EPB41L4B: variants seen among roughly 807,000 people sequenced by gnomAD.
EPB41L4B encodes band 4.1-like protein 4B.
EPB41L4B carries 30 observed loss-of-function variants against 112.5 expected under a neutral mutation model. The observed-to-expected ratio is 0.27, with a 90% CI of 0.20 to 0.36. The LOEUF is 0.36. Among genes scored for constraint, EPB41L4B ranks in the 10% least tolerant of loss-of-function variants. The pLI is 1.00. For missense variants in EPB41L4B, 1,024 were observed against 1,133.3 expected, an observed-to-expected ratio of 0.90 and a Z score of 1.38; for synonymous variants, 408 against 439.7, an observed-to-expected ratio of 0.93 and a Z score of 0.90.
chr9:109,185,534 T>G lies in EPB41L4B; in HGVS notation c.2373A>C (p.Glu791Asp), dbSNP rs779713819. ...GGTACATGCAAACTCCAGTGGTCTC[T>G]TCCTTCATGGGGAGAGAGAGTGGAG... ...CSPPLSLPMK[E>D]ETTGVCMYPP... The change falls in exon 23 of 26, where the codon GAA (glutamate) becomes GAC (aspartate). Residue 791 changes from glutamate to aspartate, a missense_variant. By Grantham distance (45) the Glu-to-Asp change is conservative (BLOSUM62 2). Coordinates refer to ENST00000374566, the MANE Select transcript of EPB41L4B (RefSeq NM_019114.5). 1 of 1,613,462 alleles carries G rather than the reference T, an allele frequency of 6.2e-7. No individual in the cohort carries two copies. The highest frequency in any genetic ancestry group is 1.7e-5 in the Admixed American group (1 of 59,990).
chr9:109,176,466 A>ACGTGTT (rs1831841898), intron 25 of EPB41L4B, 85 bp downstream of exon 25: 1 of 1,414,784 alleles, frequency 7.1e-7, no homozygotes, highest in African/African-American at 1.4e-5. Flanking sequence ...AAAGGCCTGT[A>ACGTGTT]CGTGTCACAA....
At position 109,241,341 on chromosome 9, in the gene EPB41L4B, T is replaced by C. The variant is rs1834345833; in HGVS notation, c.1409+2277A>G. ...TCTTCCCAAGCTCTTCTGGTTTTAT[T>C]TGCTCCCATTAATTAAATAACAAAG... On this transcript the variant is annotated intron_variant, in intron 15 of 25. Transcript: ENST00000374566. The C allele has an allele frequency of 1.8e-5, 19 of 1,063,702 alleles. No homozygotes were observed. In the South Asian group the frequency reaches 6.4e-4, roughly 36 times the overall value. 65.9% of individuals were successfully genotyped at this position (1,063,702 alleles called of 1,614,324 possible).
intron 24 of EPB41L4B, 137 bp downstream of exon 24, chr9:109,182,592 C>T (rs1295632371): frequency 1.5e-6 from 1 of 685,370 alleles, no homozygotes; most frequent in Non-Finnish European, 2.6e-6. Context: ...ACTGCAAATC[C>T]AAGTTTCTTC....
At chr9:109,252,697 G>A (rs1834834849) in intron 12 of EPB41L4B, among the ~76,000 whole-genome samples, 1 of 152,184 alleles carries the variant, frequency 6.6e-6, no homozygotes, top group African/African-American at 2.4e-5. Flanking sequence ...CAGGAGGCTG[G>A]GAGTGCAGAG....
chr9:109,280,732 C>T (rs1836002263), intron 1 of EPB41L4B, among the ~76,000 whole-genome samples: 2 of 152,000 alleles, frequency 1.3e-5, no homozygotes, highest in Non-Finnish European at 2.9e-5. Context: ...AGACACGCTT[C>T]TCAGATAAAA....
intron 1 of EPB41L4B, among the ~76,000 whole-genome samples, chr9:109,301,564 A>G (rs966908987): frequency 1.3e-5 from 2 of 152,194 alleles, no homozygotes; most frequent in Admixed American, 6.5e-5. Context: ...TGTTTTCTCC[A>G]CAGATTAGTT....
intron 1 of EPB41L4B, among the ~76,000 whole-genome samples, chr9:109,286,651 C>A (rs142837332): frequency 8.5e-4 from 129 of 152,294 alleles, no homozygotes; most frequent in African/African-American, 2.9e-3. Context: ...AACCACCACT[C>A]TGGGTGTTGC....
chr9:109,253,908 T>C (rs1834886654), intron 11 of EPB41L4B, among the ~76,000 whole-genome samples: 1 of 152,242 alleles, frequency 6.6e-6, no homozygotes, highest in African/African-American at 2.4e-5. Context: ...ACCCATCTTT[T>C]AGAAGACTGT....
At chr9:109,295,114 C>A (rs1189953094) in intron 1 of EPB41L4B, among the ~76,000 whole-genome samples, 1 of 152,226 alleles carries the variant, frequency 6.6e-6, no homozygotes, top group Non-Finnish European at 1.5e-5. Flanking sequence ...TCAGCACCCA[C>A]CTATGGACGT....
intron 15 of EPB41L4B, chr9:109,240,447 A>G: frequency 1.0e-6 from 1 of 985,444 alleles, no homozygotes; most frequent in Non-Finnish European, 1.2e-6. Context: ...AACATTTTTT[A>G]GAGGGCCTAA....
At chr9:109,307,197 T>A (rs13290752) in intron 1 of EPB41L4B, 141,243 of 478,246 alleles carry the variant, frequency 0.3, 22,767 homozygotes, top group East Asian at 0.53. Context: ...TACAATCCTT[T>A]CCCTTTTAAA....
chr9:109,220,430 G>A (rs974185732), intron 15 of EPB41L4B, among the ~76,000 whole-genome samples: 2 of 152,182 alleles, frequency 1.3e-5, no homozygotes, highest in African/African-American at 4.8e-5. Flanking sequence ...AGCGCTGTGT[G>A]GAGGAGACTG....
chr9:109,301,620 C>T (rs964428917), intron 1 of EPB41L4B, among the ~76,000 whole-genome samples: 2 of 152,178 alleles, frequency 1.3e-5, no homozygotes, highest in African/African-American at 4.8e-5. Context: ...ACAGAGGCTA[C>T]TCTTTTAAGG....
chr9:109,208,279 G>T (rs999969270), intron 17 of EPB41L4B, among the ~76,000 whole-genome samples: 3 of 152,202 alleles, frequency 2.0e-5, no homozygotes, highest in Non-Finnish European at 4.4e-5. Context: ...CCAGGGTAAA[G>T]GTTTAAAGAG....
At chr9:109,267,599 G>GTCC in intron 3 of EPB41L4B, 48 bp from the exon 4 acceptor site, 1 of 1,241,038 alleles carries the variant, frequency 8.1e-7, no homozygotes, top group Non-Finnish European at 1.2e-6. Context: ...CCCCAGTTTT[G>GTCC]AAGATCACAG....
At chr9:109,255,955 A>G (rs1834967541) in intron 9 of EPB41L4B, 112 bp from the exon 10 acceptor site, 2 of 1,260,664 alleles carry the variant, frequency 1.6e-6, no homozygotes, top group African/African-American at 3.0e-5. Context: ...AAATAAAAAC[A>G]TTCATCCAAG....
intron 15 of EPB41L4B, among the ~76,000 whole-genome samples, chr9:109,224,024 TAAAATAAAATA>T (rs948715507): frequency 1.3e-4 from 20 of 150,656 alleles, no homozygotes; most frequent in African/African-American, 4.1e-4. Context: ...ATCTCAAAAA[TAAAATAAAATA>T]AAAATAAAAT....
At chr9:109,268,814 G>A (rs965664186) in intron 2 of EPB41L4B, among the ~76,000 whole-genome samples, 15 of 147,326 alleles carry the variant, frequency 1.0e-4, no homozygotes, top group Admixed American at 7.0e-4. Flanking sequence ...GGAGAATGGC[G>A]TGAACCCAGG....
At chr9:109,220,191 G>A (rs1288092472) in intron 15 of EPB41L4B, among the ~76,000 whole-genome samples, 1 of 152,204 alleles carries the variant, frequency 6.6e-6, no homozygotes, top group African/African-American at 2.4e-5. Flanking sequence ...TCATTTGTGT[G>A]TGTAGAATTT....
Sources: allele counts gnomAD v4.1 joint callset (sites outside exome capture counted in the v4.1 genomes callset), GRCh38; gene constraint gnomAD v4.1.1; transcripts MANE v1.5; gene names NCBI Gene and HGNC (gene_info 2026-07-23, HGNC 2026-07-21).